The following FRMD4A variants were observed in gnomAD, a reference collection of about 807,000 sequenced individuals.
FRMD4A encodes the protein FERM domain-containing protein 4A.
FRMD4A carries 29 observed loss-of-function variants against 129.1 expected under a neutral mutation model. The observed-to-expected ratio is 0.22, with a 90% CI of 0.17 to 0.31. The LOEUF is 0.31. Ranked by LOEUF, FRMD4A falls within the 10% of genes least tolerant of loss-of-function variation. The probability of loss-of-function intolerance (pLI) is 1.00; values close to 1 mark genes in which losing one functional copy is unlikely to be tolerated. For synonymous variants in FRMD4A, 634 were observed against 571.6 expected (o/e 1.11, Z -1.56); for missense variants, 1,272 against 1,375.8 (o/e 0.92, Z 1.19).
chr10:13,699,034 G>A (rs1830992), intron 14 of FRMD4A, among the ~76,000 whole-genome samples: 56,667 of 148,712 alleles, frequency 0.38, 11,134 homozygotes, highest in African/African-American at 0.49. Flanking sequence ...ACGTCTTGTT[G>A]CTAATTTATC....
chr10:13,904,017 A>T (rs948733200), intron 2 of FRMD4A, among the ~76,000 whole-genome samples: 39 of 152,318 alleles, frequency 2.6e-4, no homozygotes, highest in African/African-American at 9.4e-4. Context: ...ATGAAATATA[A>T]TCGTGTCGCT....
In FRMD4A at chr10:13,657,359, T is replaced by C. The variant is rs902396200; in HGVS notation, c.2230A>G (p.Met744Val). 1 of 1,611,446 alleles carries C rather than the reference T, an allele frequency of 6.2e-7. No homozygotes were observed. The highest frequency in any genetic ancestry group is 1.3e-5 in the African/African-American group (1 of 74,908). ...CTGGTGCACGACGAGCAGTCGTCCA[T>C]GGGGTCTGAGCCGTTGCTGCTACGA... ...RTRSSNGSDP[M>V]DDCSSCTSHS... The change falls in exon 22 of 25, where the codon ATG becomes GTG. Residue 744 changes from methionine (M) to valine (V), a missense_variant. Coordinates refer to ENST00000357447, the MANE Select transcript of FRMD4A (RefSeq NM_018027.5).
intron 13 of FRMD4A, among the ~76,000 whole-genome samples, chr10:13,702,243 T>C (rs772670455): frequency 6.6e-5 from 10 of 152,142 alleles, no homozygotes; most frequent in Non-Finnish European, 1.2e-4. Context: ...GGCTACTTTT[T>C]TGTATTTTTA....
intron 2 of FRMD4A, among the ~76,000 whole-genome samples, chr10:14,093,675 A>G (rs899072431): frequency 7.0e-6 from 1 of 142,366 alleles, no homozygotes; most frequent in Non-Finnish European, 1.5e-5. Context: ...CATATTATGA[A>G]TAAAATTATC....
At chr10:14,145,073 A>C (rs1395176697) in intron 2 of FRMD4A, among the ~76,000 whole-genome samples, 1 of 152,210 alleles carries the variant, frequency 6.6e-6, no homozygotes, top group Non-Finnish European at 1.5e-5. Context: ...GGTGACTTGG[A>C]GAATGGCATT....
intron 12 of FRMD4A, among the ~76,000 whole-genome samples, chr10:13,711,400 G>A (rs959569589): frequency 6.6e-6 from 1 of 152,204 alleles, no homozygotes; most frequent in Admixed American, 6.5e-5. Context: ...CTGGTTTCGG[G>A]GCAGCCCCGA....
chr10:14,004,781 C>T (rs1007236262), intron 2 of FRMD4A, among the ~76,000 whole-genome samples: 1 of 151,976 alleles, frequency 6.6e-6, no homozygotes, highest in African/African-American at 2.4e-5. Context: ...CCATATGACT[C>T]GTAAATATTC....
chr10:13,921,679 A>G (rs978829941), intron 2 of FRMD4A, among the ~76,000 whole-genome samples: 14 of 152,176 alleles, frequency 9.2e-5, no homozygotes, highest in Non-Finnish European at 1.8e-4. Flanking sequence ...CTAGGTTTCA[A>G]CAGATGAATT....
In FRMD4A at chr10:13,657,361, G is replaced by C; in HGVS notation, c.2228C>G (p.Pro743Arg). The change falls in exon 22 of 25, where the codon CCC (proline) becomes CGC (arginine). Residue 743 changes from proline to arginine, a missense_variant. Physicochemically the swap from Pro to Arg is moderately radical, Grantham distance 103 (BLOSUM62 -2). Coordinates refer to ENST00000357447, the MANE Select transcript of FRMD4A (RefSeq NM_018027.5). ...PRTRSSNGSD[P>R]MDDCSSCTSH... ...GGTGCACGACGAGCAGTCGTCCATG[G>C]GGTCTGAGCCGTTGCTGCTACGAGT... 2 of 1,611,724 alleles carry C rather than the reference G, an allele frequency of 1.2e-6. No individual in the cohort carries two copies. The highest frequency in any genetic ancestry group is 1.7e-6 in the Non-Finnish European group (2 of 1,179,730).
At chr10:13,672,066 G>A (rs1490917844) in intron 16 of FRMD4A, among the ~76,000 whole-genome samples, 3 of 152,238 alleles carry the variant, frequency 2.0e-5, no homozygotes, top group Admixed American at 6.5e-5. Flanking sequence ...ACATGTGTAC[G>A]CATGTATGCA....
At chr10:13,690,642 C>T (rs1050071982) in intron 15 of FRMD4A, among the ~76,000 whole-genome samples, 2 of 152,144 alleles carry the variant, frequency 1.3e-5, no homozygotes, top group Admixed American at 6.5e-5. Flanking sequence ...AGTCATGGGG[C>T]TTTCTCACCT....
At chr10:14,283,189 T>C (rs1196958962) in intron 2 of FRMD4A, among the ~76,000 whole-genome samples, 1 of 152,236 alleles carries the variant, frequency 6.6e-6, no homozygotes, top group Non-Finnish European at 1.5e-5. Context: ...AAGCTTCTCC[T>C]TCAACCGTAA....
At chr10:14,176,679 T>G (rs1841741309) in intron 2 of FRMD4A, among the ~76,000 whole-genome samples, 1 of 152,082 alleles carries the variant, frequency 6.6e-6, no homozygotes, top group African/African-American at 2.4e-5. Context: ...TTCACCATGT[T>G]GGCCAGGATG....
chr10:14,045,228 TA>T (rs199682797), intron 2 of FRMD4A, among the ~76,000 whole-genome samples: 6,287 of 152,272 alleles, frequency 0.041, 179 homozygotes, highest in Non-Finnish European at 0.06. Flanking sequence ...TCATGTGACT[TA>T]CACTGTAGCC....
At chr10:13,729,260 T>A (rs569946330) in intron 12 of FRMD4A, 1 of 152,344 alleles carries the variant, frequency 6.6e-6, no homozygotes, top group South Asian at 2.1e-4. Flanking sequence ...GAATGCTGAG[T>A]GCATTAAGTG....
At chr10:13,721,342 C>T (rs564015479) in intron 12 of FRMD4A, among the ~76,000 whole-genome samples, 5 of 152,122 alleles carry the variant, frequency 3.3e-5, no homozygotes, top group African/African-American at 7.2e-5. Flanking sequence ...ATTAGCCAGG[C>T]GTGGTGGCAG....
At chr10:13,811,644 G>A (rs2093448057) in intron 3 of FRMD4A, among the ~76,000 whole-genome samples, 1 of 151,796 alleles carries the variant, frequency 6.6e-6, no homozygotes, top group South Asian at 2.1e-4. Context: ...CATGGTAGAT[G>A]TTTGTATTGT....
intron 15 of FRMD4A, among the ~76,000 whole-genome samples, chr10:13,683,179 C>G (rs1391056977): frequency 6.6e-6 from 1 of 152,106 alleles, no homozygotes; most frequent in Non-Finnish European, 1.5e-5. Flanking sequence ...CAACGCCCGA[C>G]TAATAGAAGC....
intron 2 of FRMD4A, among the ~76,000 whole-genome samples, chr10:14,231,440 T>A (rs1478308824): frequency 6.6e-6 from 1 of 152,088 alleles, no homozygotes; most frequent in Non-Finnish European, 1.5e-5. Flanking sequence ...CCTCCCGGGT[T>A]CACACCCTTC....
Sources: allele counts gnomAD v4.1 joint callset (sites outside exome capture counted in the v4.1 genomes callset), GRCh38; gene constraint gnomAD v4.1.1; transcripts MANE v1.5; gene names NCBI Gene and HGNC (gene_info 2026-07-23, HGNC 2026-07-21).